Variants in ESD observed in about 807,000 individuals in gnomAD.
ESD encodes the protein esterase D, also known as S-formylglutathione hydrolase.
In ESD, 34 loss-of-function variants were observed where a neutral mutation model predicts 38.1. The ratio of observed to expected loss-of-function variants is 0.89; its 90% CI spans 0.68 to 1.19. The LOEUF (loss-of-function observed/expected upper bound fraction) is 1.19, where lower values mean the gene tolerates loss of function less well. Ranked by LOEUF, ESD falls within the 50% of genes most tolerant of loss-of-function variation. ESD has a pLI of 0.00. For missense variants in ESD, 334 were observed against 327.2 expected (o/e 1.02, Z -0.16); for synonymous variants, 97 against 107.0 (o/e 0.91, Z 0.58).
intron 1 of ESD, among the ~76,000 whole-genome samples, chr13:46,794,910 A>G (rs945238612): frequency 2.0e-5 from 3 of 151,946 alleles, no homozygotes; most frequent in Non-Finnish European, 4.4e-5. Context: ...TTTCAACTAC[A>G]TTTTCTGGGT....
At position 46,781,526 on chromosome 13, in the gene ESD, G is replaced by C. The variant is rs149076733; in HGVS notation, c.471C>G (p.Ile157Met). 24 of 1,607,714 alleles carry C rather than the reference G, an allele frequency of 1.5e-5. No homozygotes were observed. In the Admixed American group the frequency reaches 4.0e-4, roughly 27 times the overall value. The change falls in exon 7 of 10, where the codon ATC becomes ATG. Residue 157 changes from isoleucine to methionine, a missense_variant. Ile to Met is a conservative substitution (Grantham distance 10). Coordinates refer to ENST00000378720, the MANE Select transcript of ESD (RefSeq NM_001984.2). ...ATTTTCCAGGATTTTTCAAAGCACA[G>C]ATCAGAGCTCCATGACCTCCCATGG... ...GHSMGGHGALICALKNPGKYK... is the reference protein window; with the variant it reads ...GHSMGGHGALMCALKNPGKYK...
chr13:46,778,308 G>C (rs1162978618), intron 8 of ESD, among the ~76,000 whole-genome samples: 1 of 151,650 alleles, frequency 6.6e-6, no homozygotes, highest in Non-Finnish European at 1.5e-5. Context: ...TTTATACATT[G>C]ACCAAGACAA....
chr13:46,775,695 G>A, intron 9 of ESD: 1 of 469,094 alleles, frequency 2.1e-6, no homozygotes, highest in South Asian at 1.6e-5. Flanking sequence ...CGACCATGCT[G>A]GAAGTAAAGT....
intron 8 of ESD, 57 bp from the exon 9 acceptor site, chr13:46,777,680 C>T (rs1266527777): frequency 1.5e-6 from 2 of 1,358,654 alleles, no homozygotes; most frequent in Non-Finnish European, 2.0e-6. Flanking sequence ...TCAGGATATA[C>T]TATACTAGTA....
At chr13:46,793,877 AAAG>A (rs138718267) in intron 1 of ESD, among the ~76,000 whole-genome samples, 2,641 of 152,206 alleles carry the variant, frequency 0.017, 77 homozygotes, top group African/African-American at 0.06. Context: ...ACATGGGGAG[AAAG>A]AAGGGAAGAG....
intron 9 of ESD, among the ~76,000 whole-genome samples, chr13:46,774,403 G>A (rs188406565): frequency 1.3e-5 from 2 of 152,252 alleles, no homozygotes; most frequent in East Asian, 1.9e-4. Context: ...CATCCCTGAC[G>A]AGGGTTTCTA....
upstream of ESD, chr13:46,797,222 A>T (rs1254768124): frequency 6.6e-6 from 1 of 151,548 alleles, no homozygotes; most frequent in Admixed American, 6.6e-5. Flanking sequence ...GGTCCCACTC[A>T]CTCTCGCTTT....
intron 3 of ESD, among the ~76,000 whole-genome samples, chr13:46,787,346 C>A (rs777145366): frequency 5.3e-5 from 8 of 151,898 alleles, no homozygotes; most frequent in Non-Finnish European, 1.0e-4. Context: ...CTTTGCATGG[C>A]ACTGTCATTC....
At chr13:46,794,616 T>A (rs903766373) in intron 1 of ESD, among the ~76,000 whole-genome samples, 1 of 152,172 alleles carries the variant, frequency 6.6e-6, no homozygotes, top group Non-Finnish European at 1.5e-5. Context: ...AAGTTTTCCA[T>A]AAATCTCTAC....
chr13:46,789,988 G>A (rs568261944), intron 3 of ESD, among the ~76,000 whole-genome samples: 33 of 138,306 alleles, frequency 2.4e-4, no homozygotes, highest in South Asian at 4.8e-4. Flanking sequence ...GCTAATTTTT[G>A]TACATATATA....
At chr13:46,787,666 T>C (rs1047599042) in intron 3 of ESD, among the ~76,000 whole-genome samples, 2 of 151,992 alleles carry the variant, frequency 1.3e-5, no homozygotes, top group Admixed American at 1.3e-4. Context: ...TAAAACATCA[T>C]ATAAATGGAA....
Position 46,787,778 on chromosome 13 carries a change from C to A in ESD, c.69-669G>T, listed in dbSNP as rs545754747. 2.0e-5 allele frequency among the ~76,000 whole-genome samples: 3 copies of A among 151,978 alleles called. No homozygotes were observed. In the East Asian group the frequency reaches 5.8e-4, roughly 29 times the overall value. On this transcript the variant is annotated intron_variant, in intron 3 of 9. Coordinates refer to ENST00000378720, the MANE Select transcript of ESD (RefSeq NM_001984.2). ...TAACTAAATAGTAAATACTTCCACA[C>A]ACTGTTATGAAAAACTAAATATATA...
upstream of ESD, chr13:46,797,278 G>A (rs1274034969): frequency 2.0e-5 from 3 of 152,572 alleles, no homozygotes; most frequent in Non-Finnish European, 4.4e-5. Context: ...CCATGGCCCC[G>A]CCGCCTTTGC....
At chr13:46,789,059 A>G (rs1198586887) in intron 3 of ESD, among the ~76,000 whole-genome samples, 1 of 152,212 alleles carries the variant, frequency 6.6e-6, no homozygotes, top group Non-Finnish European at 1.5e-5. Flanking sequence ...TTTATTAATT[A>G]GCTAATTTGA....
At chr13:46,791,215 C>T (rs1875384711) in intron 3 of ESD, 131 bp downstream of exon 3, 4 of 642,766 alleles carry the variant, frequency 6.2e-6, no homozygotes, top group African/African-American at 1.8e-5. Flanking sequence ...AATACATAAC[C>T]ACAGAAAGAG....
At chr13:46,772,878 G>GT (rs1253088638) in intron 9 of ESD, among the ~76,000 whole-genome samples, 1 of 152,098 alleles carries the variant, frequency 6.6e-6, no homozygotes, top group Non-Finnish European at 1.5e-5. Context: ...TAGAGACGGG[G>GT]TTTCGCCATG....
intron 9 of ESD, chr13:46,775,318 T>C (rs183894445): frequency 1.9e-5 from 3 of 159,430 alleles, no homozygotes; most frequent in Admixed American, 6.2e-5. Flanking sequence ...AGTATAAATA[T>C]AAATTGTGAG....
intron 4 of ESD, 39 bp downstream of exon 4, chr13:46,786,982 T>C (rs200514076): frequency 2.3e-6 from 3 of 1,294,816 alleles, no homozygotes; most frequent in African/African-American, 3.0e-5. Flanking sequence ...AAAAAGAAAA[T>C]AGAAACGACT....
Position 46,787,088 on chromosome 13 carries a change from CA to C in ESD, c.89del (p.Met30ArgfsTer25). 1 of 1,577,374 alleles carries C rather than the reference CA, an allele frequency of 6.3e-7. No homozygotes were observed. Among genetic ancestry groups the C allele is most frequent in the Non-Finnish European group, 8.7e-7 (1 of 1,155,842 alleles). On this transcript the variant is annotated frameshift_variant, in exon 4 of 10. Coordinates refer to ENST00000378720, the MANE Select transcript of ESD (RefSeq NM_001984.2). LOFTEE classifies it high-confidence loss of function. The stretch of plus-strand genomic sequence containing the variant: ...TTGGTGGTAAGTAGACAGCAAATTT[CA>C]TTTTGCAGTTTAGTTCAACACTAGT... ...EHDSVELNCK[M>X]KFAVYLPPKA...
Sources: allele counts gnomAD v4.1 joint callset (sites outside exome capture counted in the v4.1 genomes callset), GRCh38; gene constraint gnomAD v4.1.1; transcripts MANE v1.5; gene names NCBI Gene and HGNC (gene_info 2026-07-23, HGNC 2026-07-21).